Variants in NAE1 observed in about 807,000 individuals in gnomAD.
NAE1 encodes the protein NEDD8-activating enzyme E1 regulatory subunit.
Under a neutral mutation model 88.0 loss-of-function variants are expected in NAE1, and 59 were observed. That is an observed-to-expected ratio of 0.67 (90% CI 0.54 to 0.83). The LOEUF (loss-of-function observed/expected upper bound fraction) is 0.83. NAE1 is among the 40% of genes least tolerant of loss of function. The pLI, the probability that NAE1 is intolerant of heterozygous loss-of-function variation, is 0.00. For missense variants in NAE1, 554 were observed against 632.8 expected (o/e 0.88, Z 1.34); for synonymous variants, 186 against 208.9 (o/e 0.89, Z 0.95).
chr16:66,815,609 C>A (rs1233248025), intron 11 of NAE1, among the ~76,000 whole-genome samples: 1 of 152,002 alleles, frequency 6.6e-6, no homozygotes, highest in Non-Finnish European at 1.5e-5. Flanking sequence ...CTGCCCTGGC[C>A]TCCCAAAGTG....
chr16:66,824,675 G>A (rs904062564), intron 4 of NAE1, 180 bp downstream of exon 4: 1 of 527,226 alleles, frequency 1.9e-6, no homozygotes, highest in African/African-American at 1.9e-5. Context: ...TATAAACACA[G>A]ACAGTACACC....
chr16:66,812,726 G>C (rs1364184982), intron 13 of NAE1, among the ~76,000 whole-genome samples: 2 of 150,926 alleles, frequency 1.3e-5, no homozygotes, highest in Non-Finnish European at 3.0e-5. Context: ...TCACCATGTT[G>C]GCCAGGATGG....
intron 19 of NAE1, 70 bp downstream of exon 19, chr16:66,805,707 C>T (rs1193311509): frequency 8.0e-7 from 1 of 1,256,800 alleles, no homozygotes; most frequent in Non-Finnish European, 1.0e-6. Flanking sequence ...AGCTAGACGA[C>T]AAAACTTTGT....
chr16:66,812,947 C>A (rs548788395), intron 13 of NAE1, among the ~76,000 whole-genome samples: 1 of 151,708 alleles, frequency 6.6e-6, no homozygotes, highest in Non-Finnish European at 1.5e-5. Flanking sequence ...CTCAGCCTCC[C>A]GGGTAGCTGG....
intron 17 of NAE1, among the ~76,000 whole-genome samples, chr16:66,807,207 A>G (rs1309832030): frequency 6.6e-6 from 1 of 152,260 alleles, no homozygotes; most frequent in Non-Finnish European, 1.5e-5. Context: ...GACACTATTT[A>G]TTGTTTTAAA....
chr16:66,830,809 C>T (rs1657808801), intron 1 of NAE1, 38 bp downstream of exon 1: 8 of 1,507,038 alleles, frequency 5.3e-6, no homozygotes, highest in Non-Finnish European at 7.1e-6. Context: ...GCTGGAAAGC[C>T]CGCCGGCCCG....
chr16:66,808,478 T>C (rs1220234249), intron 17 of NAE1, 43 bp downstream of exon 17: 3 of 1,251,470 alleles, frequency 2.4e-6, no homozygotes, highest in African/African-American at 3.0e-5. Context: ...AAATGTTTTA[T>C]TGAAGATCTT....
At chr16:66,820,767 G>A (rs1330382570) in intron 7 of NAE1, among the ~76,000 whole-genome samples, 7 of 152,180 alleles carry the variant, frequency 4.6e-5, no homozygotes, top group Non-Finnish European at 7.3e-5. Context: ...CGGGCACGGT[G>A]GCGGGCGCCT....
Position 66,817,416 on chromosome 16 carries a change from A to AG in NAE1, c.684+8dup. Reference sequence around the variant, plus strand: ...TTGCATATGAAATTTTTTTTAAAAAAGGACATACTTCACTATACCACTGTG... The same window carrying AG: ...TTGCATATGAAATTTTTTTTAAAAAAGGGACATACTTCACTATACCACTGTG... On this transcript the variant is annotated intron_variant, in intron 9 of 19. Coordinates refer to ENST00000290810, the MANE Select transcript of NAE1 (RefSeq NM_003905.4). The AG allele has an allele frequency of 6.3e-7, 1 of 1,593,778 alleles. No individual in the cohort carries two copies. Among genetic ancestry groups the AG allele is most frequent in the Non-Finnish European group, 8.6e-7 (1 of 1,163,030 alleles).
At chr16:66,818,054 A>C (rs1022344129) in intron 8 of NAE1, among the ~76,000 whole-genome samples, 6 of 152,184 alleles carry the variant, frequency 3.9e-5, no homozygotes, top group African/African-American at 1.4e-4. Context: ...CACATCATGG[A>C]GAATGGGGTA....
intron 6 of NAE1, 64 bp from the exon 7 acceptor site, chr16:66,821,623 A>T (rs937021353): frequency 5.2e-6 from 7 of 1,342,320 alleles, no homozygotes; most frequent in Admixed American, 2.7e-5. Context: ...ACATGAAAAC[A>T]TGCAAAACAT....
At position 66,813,790 on chromosome 16, in the gene NAE1, T is replaced by C; in HGVS notation, c.897A>G (p.Lys299=). 1 of 1,613,832 alleles carries C rather than the reference T, an allele frequency of 6.2e-7. No individual in the cohort carries two copies. Among genetic ancestry groups the C allele is most frequent in the Non-Finnish European group, 8.5e-7 (1 of 1,179,844 alleles). ...FNDDRCINIT[K]QTPSFWILAR... is the part of the protein sequence containing the mutation. Reference sequence around the variant, plus strand: ...TTTTTACTTTTGTTGTTGTTACCTGTTTGGTGATATTTATGCAGCGATCAT... The same window carrying C: ...TTTTTACTTTTGTTGTTGTTACCTGCTTGGTGATATTTATGCAGCGATCAT... Residue 299 remains lysine (K), a synonymous_variant, in exon 12 of 20, where the codon AAA becomes AAG. Coordinates refer to ENST00000290810, the MANE Select transcript of NAE1 (RefSeq NM_003905.4).
chr16:66,814,029 G>A (rs1264636955), intron 11 of NAE1, among the ~76,000 whole-genome samples, 183 bp from the exon 12 acceptor site: 2 of 152,096 alleles, frequency 1.3e-5, no homozygotes, highest in Admixed American at 6.5e-5. Context: ...GGAAAGAATG[G>A]AAGAAAGACC....
intron 1 of NAE1, chr16:66,827,900 G>C (rs912903561): frequency 8.2e-7 from 1 of 1,224,924 alleles, no homozygotes; most frequent in Non-Finnish European, 1.2e-6. Context: ...TATCCAGACT[G>C]GTCTTGAACT....
At chr16:66,825,004 A>T in intron 3 of NAE1, 119 bp from the exon 4 acceptor site, 2 of 640,990 alleles carry the variant, frequency 3.1e-6, no homozygotes, top group Non-Finnish European at 2.5e-6. Flanking sequence ...GTGATTACAG[A>T]CTGTAATGGC....
In NAE1 at chr16:66,810,711, G is replaced by A. The variant is rs1275841064; in HGVS notation, c.1096C>T (p.Gln366Ter). Residue 366 changes from glutamine to a stop codon, truncating the protein, a stop_gained, in exon 14 of 20, where the codon CAG (glutamine) becomes TAG (stop). Coordinates refer to ENST00000290810, the MANE Select transcript of NAE1 (RefSeq NM_003905.4). LOFTEE classifies it high-confidence loss of function. ...CAGTAGCTTACCTGGCCAATGGACT[G>A]CAGCAATTTGGCAACATGATTACCC... is the stretch of plus-strand genomic sequence containing the variant. ...AVGNHVAKLL[Q>*]SIGQAPESIS... 1.2e-6 allele frequency: 2 copies of A among 1,614,026 alleles called. No individual in the cohort carries two copies. Among genetic ancestry groups the A allele is most frequent in the East Asian group, 2.2e-5 (1 of 44,900 alleles).
rs1960341008 is a variant in NAE1, at chr16:66,823,309, A to C, written c.322-3T>G. ...TTGTCTAGAAGGTTTTCTGGACTCT[A>C]AACAGGACAGCAAAGAAAAAAACAA... On this transcript the variant is annotated splice_polypyrimidine_tract_variant and splice_region_variant and intron_variant, in intron 5 of 19. Coordinates refer to ENST00000290810, the MANE Select transcript of NAE1 (RefSeq NM_003905.4). The C allele has an allele frequency of 6.3e-7, 1 of 1,592,502 alleles. No individual in the cohort carries two copies. The highest frequency in any genetic ancestry group is 8.5e-7 in the Non-Finnish European group (1 of 1,171,810).
At chr16:66,812,700 T>C (rs1458286301) in intron 13 of NAE1, among the ~76,000 whole-genome samples, 1 of 150,918 alleles carries the variant, frequency 6.6e-6, no homozygotes, top group Non-Finnish European at 1.5e-5. Context: ...TGTATTTTTT[T>C]AGTAGAGACA....
intron 3 of NAE1, among the ~76,000 whole-genome samples, chr16:66,825,446 C>CAA (rs1232878853): frequency 1.2e-4 from 9 of 75,156 alleles, no homozygotes; most frequent in East Asian, 3.7e-4. Flanking sequence ...GACTCCGTCT[C>CAA]AAAAAAAAAA....
Sources: allele counts gnomAD v4.1 joint callset (sites outside exome capture counted in the v4.1 genomes callset), GRCh38; gene constraint gnomAD v4.1.1; transcripts MANE v1.5; gene names NCBI Gene and HGNC (gene_info 2026-07-23, HGNC 2026-07-21).